Variants in RYR2 observed in about 807,000 individuals in gnomAD.
RYR2 encodes ryanodine receptor 2.
A neutral mutation model predicts 601.1 loss-of-function variants in RYR2; 227 were observed. That is an observed-to-expected ratio of 0.38 (90% CI 0.34 to 0.42). The LOEUF (loss-of-function observed/expected upper bound fraction) is 0.42. RYR2 is among the 10% of genes least tolerant of loss of function. The pLI is 1.00. For missense variants in RYR2, 4,646 were observed against 6,156.5 expected, an observed-to-expected ratio of 0.75 and a Z score of 8.21; for synonymous variants, 2,223 against 2,175.1, an observed-to-expected ratio of 1.02 and a Z score of -0.61.
At chr1:237,771,933 C>T (rs1694303667) in intron 85 of RYR2, 79 bp from the exon 86 acceptor site, 3 of 758,868 alleles carry the variant, frequency 4.0e-6, no homozygotes, top group South Asian at 1.5e-5. Flanking sequence ...CCATAGAAAG[C>T]ATTTGCCTTT....
intron 101 of RYR2, among the ~76,000 whole-genome samples, chr1:237,822,210 A>G (rs1319444719): frequency 6.6e-6 from 1 of 152,186 alleles, no homozygotes; most frequent in African/African-American, 2.4e-5. Flanking sequence ...AGCAACCCCA[A>G]GACACATAAT....
At chr1:237,827,875 T>A (rs1332335024) in intron 101 of RYR2, among the ~76,000 whole-genome samples, 2 of 139,964 alleles carry the variant, frequency 1.4e-5, no homozygotes, top group Non-Finnish European at 3.0e-5. Context: ...AGGCGGAGCT[T>A]GCAGTGAGCC....
chr1:237,704,102 G>A (rs1470291650), intron 66 of RYR2, among the ~76,000 whole-genome samples: 1 of 152,036 alleles, frequency 6.6e-6, no homozygotes, highest in Non-Finnish European at 1.5e-5. Context: ...TTTTCTCTAT[G>A]CAACAGAAAA....
intron 14 of RYR2, among the ~76,000 whole-genome samples, 180 bp downstream of exon 14, chr1:237,445,702 T>G (rs777458005): frequency 4.6e-5 from 7 of 152,196 alleles, no homozygotes; most frequent in Non-Finnish European, 1.0e-4. Flanking sequence ...TTAAATAAAC[T>G]TTTAAAAAGA....
intron 12 of RYR2, among the ~76,000 whole-genome samples, chr1:237,431,897 A>G (rs1706842182): frequency 6.6e-6 from 1 of 152,150 alleles, no homozygotes; most frequent in South Asian, 2.1e-4. Flanking sequence ...GAAACTTTAC[A>G]TTTCTGTGCG....
intron 10 of RYR2, among the ~76,000 whole-genome samples, chr1:237,410,275 A>C (rs1334559151): frequency 6.6e-6 from 1 of 152,134 alleles, no homozygotes; most frequent in Non-Finnish European, 1.5e-5. Flanking sequence ...AAGTGCTCTG[A>C]AGCGCTGTGA....
intron 1 of RYR2, among the ~76,000 whole-genome samples, chr1:237,266,810 C>A (rs1288642739): frequency 6.6e-6 from 1 of 151,642 alleles, no homozygotes; most frequent in Non-Finnish European, 1.5e-5. Flanking sequence ...CTGAACTGAA[C>A]CATGATTGAA....
chr1:237,346,321 C>T (rs1240082722), intron 3 of RYR2, among the ~76,000 whole-genome samples: 1 of 145,882 alleles, frequency 6.9e-6, no homozygotes, highest in Non-Finnish European at 1.5e-5. Context: ...GTGAGTGCTA[C>T]TACTGCCACT....
chr1:237,184,655 G>A (rs1251150423), intron 1 of RYR2, among the ~76,000 whole-genome samples: 1 of 152,142 alleles, frequency 6.6e-6, no homozygotes, highest in Non-Finnish European at 1.5e-5. Context: ...AGTACCATTT[G>A]AGGTACAATG....
At chr1:237,078,717 A>T (rs1020772565) in intron 1 of RYR2, among the ~76,000 whole-genome samples, 2 of 135,556 alleles carry the variant, frequency 1.5e-5, no homozygotes, top group African/African-American at 5.7e-5. Context: ...AACTGGCACC[A>T]TTCCTTCTGA....
intron 1 of RYR2, among the ~76,000 whole-genome samples, chr1:237,232,725 G>A (rs755244717): frequency 3.9e-5 from 6 of 152,134 alleles, no homozygotes; most frequent in African/African-American, 7.2e-5. Context: ...GCCCTTAACC[G>A]GGGAATCTGA....
intron 82 of RYR2, among the ~76,000 whole-genome samples, chr1:237,759,441 A>G (rs1693229667): frequency 6.6e-6 from 1 of 152,190 alleles, no homozygotes; most frequent in Non-Finnish European, 1.5e-5. Context: ...TAACATCTAT[A>G]GGAATTTTCT....
At chr1:237,538,418 AAAAAAAAAAG>A (rs1668891118) in intron 25 of RYR2, among the ~76,000 whole-genome samples, 1 of 148,182 alleles carries the variant, frequency 6.7e-6, no homozygotes, top group Admixed American at 6.7e-5. Context: ...AAAAAAAAAA[AAAAAAAAAAG>A]GGAAGATGGT....
intron 98 of RYR2, chr1:237,802,299 G>T: frequency 6.4e-6 from 1 of 155,310 alleles, no homozygotes; most frequent in Non-Finnish European, 1.4e-5. Context: ...AACTTATGGA[G>T]TTTTATTTTA....
intron 76 of RYR2, among the ~76,000 whole-genome samples, chr1:237,727,887 T>G (rs548311915): frequency 6.6e-6 from 1 of 152,108 alleles, no homozygotes; most frequent in African/African-American, 2.4e-5. Flanking sequence ...TTCAGTCACC[T>G]TGGAGTTCTC....
rs114033948 is a variant in RYR2 at position 237,805,863 on chromosome 1, G to A, written c.14152-274G>A. On this transcript the variant is annotated intron_variant, in intron 98 of 104. Transcript: ENST00000366574. The stretch of plus-strand genomic sequence containing the variant: ...TTGTGACCTGCCGTCATCCTACAGC[G>A]GTATAGAACCCCAGAACTTATTTTT... Among the ~76,000 whole-genome samples the A allele has an allele frequency of 5.5e-3, 829 of 152,008 alleles. 14 individuals carry two copies. The highest frequency in any genetic ancestry group is 0.019 in the African/African-American group (777 of 41,468).
At chr1:237,585,415 T>A (rs1674419410) in intron 29 of RYR2, among the ~76,000 whole-genome samples, 1 of 152,160 alleles carries the variant, frequency 6.6e-6, no homozygotes, top group African/African-American at 2.4e-5. Flanking sequence ...CCATGTGTGC[T>A]GGGAATTTCA....
At chr1:237,787,597 C>CAAAAAAAAA (rs778668137) in intron 91 of RYR2, among the ~76,000 whole-genome samples, 2 of 60,386 alleles carry the variant, frequency 3.3e-5, no homozygotes, top group Non-Finnish European at 3.8e-5. Context: ...GTCTCAAAAA[C>CAAAAAAAAA]AAAAAAAAAA....
At chr1:237,521,057 G>T (rs1362098233) in intron 24 of RYR2, among the ~76,000 whole-genome samples, 1 of 152,074 alleles carries the variant, frequency 6.6e-6, no homozygotes, top group East Asian at 1.9e-4. Flanking sequence ...GATTGAATCA[G>T]TAATAAAAAT....
Sources: gnomAD v4.1 joint callset for allele counts (sites outside exome capture counted in the v4.1 genomes callset) on GRCh38, gnomAD v4.1.1 for gene constraint, MANE v1.5 for transcripts, NCBI Gene and HGNC (gene_info 2026-07-23, HGNC 2026-07-21) for gene names.